DRAM1: variants seen among roughly 807,000 people sequenced by gnomAD.
The protein encoded by DRAM1 is DNA damage regulated autophagy modulator 1.
Under a neutral mutation model 28.5 loss-of-function variants are expected in DRAM1, and 25 were observed. That is an observed-to-expected ratio of 0.88 (90% CI 0.64 to 1.23). The LOEUF (loss-of-function observed/expected upper bound fraction) is 1.23. Among genes scored for constraint, DRAM1 ranks in the 50% most tolerant of loss-of-function variants. The pLI is 0.00. For missense variants in DRAM1, 249 were observed against 299.2 expected (o/e 0.83, Z 1.24); for synonymous variants, 113 against 114.2 (o/e 0.99, Z 0.07).
chr12:101,912,546 G>A (rs550025948), intron 4 of DRAM1, among the ~76,000 whole-genome samples: 63 of 152,202 alleles, frequency 4.1e-4, no homozygotes, highest in African/African-American at 1.5e-3. Context: ...ATAATTAAGA[G>A]GCTTTTAAAC....
chr12:101,896,558 C>T (rs1450495612), intron 1 of DRAM1, among the ~76,000 whole-genome samples: 1 of 151,874 alleles, frequency 6.6e-6, no homozygotes, highest in Non-Finnish European at 1.5e-5. Flanking sequence ...GAGCTCAGGA[C>T]TTCAAAACCA....
intron 1 of DRAM1, among the ~76,000 whole-genome samples, chr12:101,894,993 G>GT (rs1873291789): frequency 6.6e-6 from 1 of 152,056 alleles, no homozygotes; most frequent in South Asian, 2.1e-4. Context: ...CCCTGGCAGA[G>GT]TTAATTGTGT....
At position 101,915,605 on chromosome 12, in the gene DRAM1, C is replaced by T. The variant is rs532757165; in HGVS notation, c.579+1373C>T. Among the ~76,000 whole-genome samples the T allele has an allele frequency of 2.1e-4, 32 of 151,484 alleles. No homozygotes were observed. In the East Asian group the frequency reaches 2.7e-3, roughly 13 times the overall value. ...TTGCCTAGGCTGGAGTGCAATGGCGCGATCTCGGCTCACTGCAACCTCTGC... is the reference window on the plus strand; with the variant it reads ...TTGCCTAGGCTGGAGTGCAATGGCGTGATCTCGGCTCACTGCAACCTCTGC... On this transcript the variant is annotated intron_variant, in intron 5 of 6. Coordinates refer to ENST00000258534, the MANE Select transcript of DRAM1 (RefSeq NM_018370.3).
chr12:101,878,589 T>C (rs1006972125), intron 1 of DRAM1, among the ~76,000 whole-genome samples: 2 of 152,226 alleles, frequency 1.3e-5, no homozygotes, highest in Non-Finnish European at 2.9e-5. Flanking sequence ...TTTTGTGTTA[T>C]TTTACCCATT....
At chr12:101,885,852 A>G (rs2121021995) in intron 1 of DRAM1, among the ~76,000 whole-genome samples, 1 of 152,186 alleles carries the variant, frequency 6.6e-6, no homozygotes, top group South Asian at 2.1e-4. Context: ...CTTAATCTAT[A>G]TGTAAGGATA....
At chr12:101,905,042 G>A (rs1208954784) in intron 3 of DRAM1, among the ~76,000 whole-genome samples, 1 of 151,990 alleles carries the variant, frequency 6.6e-6, no homozygotes, top group Non-Finnish European at 1.5e-5. Flanking sequence ...GAGACTATGG[G>A]TGCATCACCA....
At chr12:101,904,423 A>T (rs1179421014) in intron 3 of DRAM1, among the ~76,000 whole-genome samples, 11 of 64,278 alleles carry the variant, frequency 1.7e-4, no homozygotes, top group African/African-American at 6.4e-4. Flanking sequence ...ATAGAGCTTT[A>T]GGGGTTTTTT....
chr12:101,895,572 T>TTTTTTG lies in DRAM1; in HGVS notation c.132-2286_132-2285insGTTTTT, dbSNP rs1566124069. ...ATTTGCTGTAAGGGAGGCTATTTTT[T>TTTTTTG]TTTTTTTTTTTTTTTTGAGAAGGAG... On this transcript the variant is annotated intron_variant, in intron 1 of 6. Transcript: ENST00000258534. Among the ~76,000 whole-genome samples, 76 of 38,024 alleles carry TTTTTTG rather than the reference T, an allele frequency of 2.0e-3. 2 individuals carry two copies. The East Asian group carries it at 0.082, about 41-fold the overall frequency. 24.9% of individuals were successfully genotyped at this position (38,024 alleles called of 152,430 possible). A position where few individuals can be genotyped will look rare whatever the true frequency, so the allele number is the denominator to read the frequency against.
chr12:101,877,945 G>A lies in DRAM1; in HGVS notation c.131+25G>A. The A allele has an allele frequency of 6.7e-7, 1 of 1,496,314 alleles. No individual in the cohort carries two copies. Among genetic ancestry groups the A allele is most frequent in the Non-Finnish European group, 9.0e-7 (1 of 1,115,364 alleles). 92.7% of individuals were successfully genotyped at this position (1,496,314 alleles called of 1,614,324 possible). On this transcript the variant is annotated intron_variant, in intron 1 of 6. Coordinates refer to ENST00000258534, the MANE Select transcript of DRAM1 (RefSeq NM_018370.3). This position sits in a 1 kb window ranked among gnomAD's most constrained non-coding sequence, Gnocchi z 4.1. ...GGTGAGTGGCAGGGTGGGCGTCAGG[G>A]CCCCAGGAGCAGGCACAGGGACCAC...
intron 6 of DRAM1, among the ~76,000 whole-genome samples, chr12:101,920,728 A>G (rs376561121): frequency 1.2e-4 from 19 of 152,182 alleles, no homozygotes; most frequent in African/African-American, 4.3e-4. Flanking sequence ...CCTGACCAAC[A>G]TGGAGAAACC....
intron 1 of DRAM1, among the ~76,000 whole-genome samples, chr12:101,895,518 T>C (rs371682445): frequency 7.9e-5 from 12 of 151,094 alleles, no homozygotes; most frequent in African/African-American, 2.7e-4. Context: ...ACCAGTGACA[T>C]TGAAATTGAA....
chr12:101,908,893 C>CAAA (rs56843086), intron 4 of DRAM1, among the ~76,000 whole-genome samples: 38 of 70,870 alleles, frequency 5.4e-4, no homozygotes, highest in Non-Finnish European at 8.6e-4. Flanking sequence ...TCCCCACAAC[C>CAAA]AAAAAAAAAA....
chr12:101,914,570 T>C (rs111928949), intron 5 of DRAM1, among the ~76,000 whole-genome samples: 7,029 of 151,456 alleles, frequency 0.046, 554 homozygotes, highest in African/African-American at 0.16. Context: ...GCAACCTCTG[T>C]GTCCCAGGCT....
At chr12:101,895,947 C>T (rs111843007) in intron 1 of DRAM1, among the ~76,000 whole-genome samples, 10,974 of 151,738 alleles carry the variant, frequency 0.072, 962 homozygotes, top group African/African-American at 0.21. Context: ...AGTGCAATGG[C>T]GCAATCTTGG....
rs530310530 is a variant in DRAM1, at chr12:101,893,137, T to C, written c.132-4726T>C. 8.9e-4 allele frequency among the ~76,000 whole-genome samples: 135 copies of C among 152,312 alleles called. 1 individual carries two copies. Among genetic ancestry groups the C allele is most frequent in the African/African-American group, 3.2e-3 (132 of 41,578 alleles). The stretch of plus-strand genomic sequence containing the variant: ...AGCATTTGAGGAGTTTCTAAGATCT[T>C]GCCTAGTTTACATCTTTCTGGTCTA... On this transcript the variant is annotated intron_variant, in intron 1 of 6. Coordinates refer to ENST00000258534, the MANE Select transcript of DRAM1 (RefSeq NM_018370.3).
chr12:101,901,081 GTGT>G (rs1566126039), intron 2 of DRAM1, among the ~76,000 whole-genome samples: 28 of 784 alleles, frequency 0.036, no homozygotes, highest in East Asian at 0.071. Flanking sequence ...GCCAAGGGGT[GTGT>G]GTGTGTGTGT....
rs184647369 is a variant in DRAM1, at chr12:101,894,905, G to A, written c.132-2958G>A. ...GAGGTTCAGAATTATTCTCAGACCT[G>A]TGTAACAAGAACTCTAGGATGAGTC... On this transcript the variant is annotated intron_variant, in intron 1 of 6. Coordinates refer to ENST00000258534, the MANE Select transcript of DRAM1 (RefSeq NM_018370.3). Among the ~76,000 whole-genome samples the A allele has an allele frequency of 7.2e-5, 11 of 152,274 alleles. No individual in the cohort carries two copies. In the East Asian group the frequency reaches 1.5e-3, roughly 21 times the overall value.
At chr12:101,890,996 G>A (rs1272454203) in intron 1 of DRAM1, among the ~76,000 whole-genome samples, 5 of 151,998 alleles carry the variant, frequency 3.3e-5, no homozygotes, top group South Asian at 2.1e-4. Context: ...TGATCCGCCC[G>A]CCTCGGCCTC....
rs574722379 is a variant in DRAM1, at chr12:101,895,186, G to GTTTTTTTTTTTTTT, written c.132-2660_132-2647dup. 1.2e-4 allele frequency among the ~76,000 whole-genome samples: 9 copies of GTTTTTTTTTTTTTT among 75,734 alleles called. 1 individual carries two copies. Among genetic ancestry groups the GTTTTTTTTTTTTTT allele is most frequent in the East Asian group, 6.6e-4 (1 of 1,516 alleles). The allele number at this position is 75,734 out of a possible 152,430, so 49.7% of individuals were successfully genotyped here. A position where few individuals can be genotyped will look rare whatever the true frequency, so the allele number is the denominator to read the frequency against. On this transcript the variant is annotated intron_variant, in intron 1 of 6. Transcript: ENST00000258534. ...TAATGCTAAATTCGAAACCCTTCAG[G>GTTTTTTTTTTTTTT]TTTTTTTTTTTTTTTTTTTTTTTTT...
Sources: allele counts gnomAD v4.1 joint callset (sites outside exome capture counted in the v4.1 genomes callset), GRCh38; gene constraint gnomAD v4.1.1; non-coding constraint Gnocchi (gnomAD v3.1); transcripts MANE v1.5; gene names NCBI Gene and HGNC (gene_info 2026-07-23, HGNC 2026-07-21).